CTIF: variants seen among roughly 807,000 people sequenced by gnomAD.
The protein encoded by CTIF is CBP80/20-dependent translation initiation factor.
A neutral mutation model predicts 66.0 loss-of-function variants in CTIF; 21 were observed. That is an observed-to-expected ratio of 0.32 (90% CI 0.23 to 0.46). The LOEUF (loss-of-function observed/expected upper bound fraction) is 0.46, where lower values mean the gene tolerates loss of function less well. CTIF is among the 20% of genes least tolerant of loss of function. The probability of loss-of-function intolerance (pLI) is 1.00; values close to 1 mark genes in which losing one functional copy is unlikely to be tolerated. For synonymous variants in CTIF, 345 were observed against 326.4 expected (o/e 1.06, Z -0.62); for missense variants, 739 against 812.7 (o/e 0.91, Z 1.10).
chr18:48,809,322 A>C (rs1466226886), intron 9 of CTIF, among the ~76,000 whole-genome samples: 1 of 152,158 alleles, frequency 6.6e-6, no homozygotes, highest in Admixed American at 6.5e-5. Context: ...AAATCATTTT[A>C]TCTCTTCCAT....
rs746156289 is a variant in CTIF at position 48,758,384 on chromosome 18, G to A, written c.1050G>A (p.Leu350=). 3.1e-6 allele frequency: 5 copies of A among 1,591,894 alleles called. No homozygotes were observed. Among genetic ancestry groups the A allele is most frequent in the Non-Finnish European group, 4.3e-6 (5 of 1,169,176 alleles). The change falls in exon 8 of 12, where the codon CTG becomes CTA. Residue 350 remains leucine (L), a synonymous_variant. Coordinates refer to ENST00000256413, the MANE Select transcript of CTIF (RefSeq NM_014772.3). ...ITLLQSSKDR[L]RRRLKEKDEV... ...TGCTCCAGTCTTCCAAAGACAGACT[G>A]CGGCGAAGGCTAAAGGAAAAGGTAC...
At chr18:48,570,880 G>A (rs778254111) in intron 1 of CTIF, among the ~76,000 whole-genome samples, 13 of 152,118 alleles carry the variant, frequency 8.5e-5, no homozygotes, top group Non-Finnish European at 1.8e-4. Flanking sequence ...CACATGTGTG[G>A]AGATGAGGGA....
At chr18:48,629,394 C>G (rs2090661869) in intron 2 of CTIF, among the ~76,000 whole-genome samples, 1 of 151,982 alleles carries the variant, frequency 6.6e-6, no homozygotes, top group Admixed American at 6.6e-5. Flanking sequence ...ACATTTGTAC[C>G]CACACTCTCT....
intron 1 of CTIF, among the ~76,000 whole-genome samples, chr18:48,617,990 G>A (rs1330939275): frequency 2.6e-5 from 4 of 152,248 alleles, no homozygotes; most frequent in Non-Finnish European, 5.9e-5. Flanking sequence ...AGCAGAGGAA[G>A]ATGTGTGCAC....
intron 1 of CTIF, chr18:48,565,773 GGACA>G (rs1344593412): frequency 1.3e-5 from 2 of 152,262 alleles, no homozygotes; most frequent in African/African-American, 4.8e-5. Context: ...GTTATGTGGG[GGACA>G]GACAGATCAT....
At chr18:48,775,361 C>G (rs2145998775) in intron 9 of CTIF, among the ~76,000 whole-genome samples, 1 of 152,366 alleles carries the variant, frequency 6.6e-6, no homozygotes, top group Middle Eastern at 3.4e-3. Context: ...TTTCCTTTTC[C>G]TTTTGATGAT....
At chr18:48,746,417 T>C (rs1016778213) in intron 7 of CTIF, among the ~76,000 whole-genome samples, 8 of 151,578 alleles carry the variant, frequency 5.3e-5, no homozygotes, top group African/African-American at 1.7e-4. Flanking sequence ...AAGTACTCCG[T>C]GCATACTGAT....
chr18:48,548,144 C>T (rs911982769), intron 1 of CTIF, among the ~76,000 whole-genome samples: 3 of 152,118 alleles, frequency 2.0e-5, no homozygotes, highest in Admixed American at 6.5e-5. Context: ...GACAATTGAG[C>T]CCTGAAGGGA....
In CTIF at chr18:48,846,406, A is replaced by G. The variant is rs1221047968; in HGVS notation, c.1528-11182A>G. 9.2e-5 allele frequency among the ~76,000 whole-genome samples: 14 copies of G among 152,332 alleles called. No homozygotes were observed. The East Asian group carries it at 2.7e-3, about 29-fold the overall frequency. On this transcript the variant is annotated intron_variant, in intron 10 of 11. Coordinates refer to ENST00000256413, the MANE Select transcript of CTIF (RefSeq NM_014772.3). The stretch of plus-strand genomic sequence containing the variant: ...CTTGTTATCCCTGTACTTACGTAGC[A>G]TTTAACACACCATAGATATTTCATA...
At chr18:48,724,954 A>G (rs1175935715) in intron 7 of CTIF, among the ~76,000 whole-genome samples, 1 of 152,260 alleles carries the variant, frequency 6.6e-6, no homozygotes, top group South Asian at 2.1e-4. Flanking sequence ...TTGGTGGACA[A>G]AAGATCTAAT....
At chr18:48,783,743 T>G (rs1911457780) in intron 9 of CTIF, among the ~76,000 whole-genome samples, 1 of 152,100 alleles carries the variant, frequency 6.6e-6, no homozygotes, top group South Asian at 2.1e-4. Context: ...ATTCAGTGTT[T>G]TGCTGTCTGC....
chr18:48,747,267 C>T (rs895649734), intron 7 of CTIF, among the ~76,000 whole-genome samples: 12 of 152,228 alleles, frequency 7.9e-5, no homozygotes, highest in African/African-American at 2.9e-4. Flanking sequence ...AGGAAGCCAC[C>T]ATCGGCCAGC....
At chr18:48,625,498 C>T (rs1476503865) in intron 2 of CTIF, among the ~76,000 whole-genome samples, 2 of 152,234 alleles carry the variant, frequency 1.3e-5, no homozygotes, top group East Asian at 3.8e-4. Context: ...CCTCATTCTG[C>T]TCCCTTACTC....
At chr18:48,848,761 C>G (rs1389457157) in intron 10 of CTIF, among the ~76,000 whole-genome samples, 1 of 152,214 alleles carries the variant, frequency 6.6e-6, no homozygotes, top group Non-Finnish European at 1.5e-5. Flanking sequence ...GAGACTCCCA[C>G]CAGGCTGCCT....
At chr18:48,611,527 G>A (rs1598737611) in intron 1 of CTIF, among the ~76,000 whole-genome samples, 1 of 152,346 alleles carries the variant, frequency 6.6e-6, no homozygotes, top group East Asian at 1.9e-4. Context: ...AATGGATAAA[G>A]AAGACGTGCA....
At chr18:48,623,418 G>A (rs1453049221) in intron 2 of CTIF, among the ~76,000 whole-genome samples, 1 of 152,130 alleles carries the variant, frequency 6.6e-6, no homozygotes, top group East Asian at 1.9e-4. Context: ...TCTGGAAGAG[G>A]GACGGCTGTG....
intron 9 of CTIF, among the ~76,000 whole-genome samples, chr18:48,782,314 G>T (rs574904212): frequency 6.6e-6 from 1 of 152,100 alleles, no homozygotes; most frequent in Non-Finnish European, 1.5e-5. Flanking sequence ...AAGCTCCAGG[G>T]CCCCTGCCTG....
chr18:48,682,379 T>G (rs537596277), intron 6 of CTIF, among the ~76,000 whole-genome samples: 1 of 152,182 alleles, frequency 6.6e-6, no homozygotes, highest in African/African-American at 2.4e-5. Flanking sequence ...AGCAGTAATA[T>G]CACCTGGGGA....
chr18:48,622,166 CG>C (rs2090507300), intron 2 of CTIF, among the ~76,000 whole-genome samples: 1 of 151,982 alleles, frequency 6.6e-6, no homozygotes, highest in African/African-American at 2.4e-5. Context: ...CAGGCCAGGA[CG>C]GGAGTGGGTA....
Sources: gnomAD v4.1 joint callset for allele counts (sites outside exome capture counted in the v4.1 genomes callset) on GRCh38, gnomAD v4.1.1 for gene constraint, MANE v1.5 for transcripts, NCBI Gene and HGNC (gene_info 2026-07-23, HGNC 2026-07-21) for gene names.